APOBEC3H: variants seen among roughly 807,000 people sequenced by gnomAD.
The protein encoded by APOBEC3H is apolipoprotein B mRNA editing enzyme catalytic subunit 3H.
Under a neutral mutation model 21.2 loss-of-function variants are expected in APOBEC3H, and 8 were observed. The observed-to-expected ratio is 0.38, with a 90% CI of 0.22 to 0.68. The LOEUF (loss-of-function observed/expected upper bound fraction) is 0.68. APOBEC3H is among the 30% of genes least tolerant of loss of function. APOBEC3H has a pLI of 0.52. For synonymous variants in APOBEC3H, 88 were observed against 91.0 expected, an observed-to-expected ratio of 0.97 and a Z score of 0.19; for missense variants, 229 against 228.1, an observed-to-expected ratio of 1.00 and a Z score of -0.03.
chr22:39,102,627 C>A lies in APOBEC3H; in HGVS notation c.543+585C>A, dbSNP rs1391117428. 9.9e-6 allele frequency: 7 copies of A among 709,988 alleles called. No homozygotes were observed. In the South Asian group the frequency reaches 1.0e-4, roughly 11 times the overall value. 44.0% of individuals were successfully genotyped at this position (709,988 alleles called of 1,614,324 possible). A position where few individuals can be genotyped will look rare whatever the true frequency, so the allele number is the denominator to read the frequency against. ...ATAGGTAGTTTTTCAACCCTGGCCC[C>A]CCTCCCACCCTCTCTTCTTTTGGAG... On this transcript the variant is annotated intron_variant, in intron 4 of 4. Coordinates refer to ENST00000442487, the MANE Select transcript of APOBEC3H (RefSeq NM_181773.5).
intron 1 of APOBEC3H, among the ~76,000 whole-genome samples, chr22:39,098,306 G>A (rs139281): frequency 0.39 from 59,704 of 151,802 alleles, 11,974 homozygotes; most frequent in South Asian, 0.46. Context: ...GCGCAATCTC[G>A]GCTCACTACA....
In APOBEC3H at chr22:39,101,477, G is replaced by A; in HGVS notation, c.391G>A (p.Val131Ile). 1.2e-6 allele frequency: 2 copies of A among 1,609,440 alleles called. No individual in the cohort carries two copies. Among genetic ancestry groups the A allele is most frequent in the Non-Finnish European group, 1.7e-6 (2 of 1,179,052 alleles). Residue 131 changes from valine to isoleucine, a missense_variant, in exon 3 of 5, where the codon GTC (valine) becomes ATC (isoleucine). Physicochemically the swap from Val to Ile is conservative, Grantham distance 29. Transcript: ENST00000442487. ...KGLRLLCGSQ[V>I]PVEVMGFPEF... Reference sequence around the variant, plus strand: ...GCTGCGGCTTCTGTGTGGATCCCAGGTCCCGGTGGAGGTCATGGGCTTCCC... The same window carrying A: ...GCTGCGGCTTCTGTGTGGATCCCAGATCCCGGTGGAGGTCATGGGCTTCCC...
intron 1 of APOBEC3H, among the ~76,000 whole-genome samples, 177 bp from the exon 2 acceptor site, chr22:39,100,095 C>T (rs2146316630): frequency 6.6e-6 from 1 of 152,318 alleles, no homozygotes; most frequent in Middle Eastern, 3.4e-3. Flanking sequence ...ATCGCTTGAA[C>T]TTGGAAGGCG....
In APOBEC3H at chr22:39,101,419, G is replaced by A; in HGVS notation, c.333G>A (p.Leu111=). The A allele has an allele frequency of 6.2e-7, 1 of 1,612,052 alleles. No homozygotes were observed. Among genetic ancestry groups the A allele is most frequent in the Non-Finnish European group, 8.5e-7 (1 of 1,179,594 alleles). Residue 111 remains leucine, a synonymous_variant, in exon 3 of 5, where the codon CTG becomes CTA. Transcript: ENST00000442487. ...HLNLGIFASR[L]YYHWCKPQQK... ...ACCTGGGCATCTTCGCCTCCCGCCT[G>A]TACTACCACTGGTGCAAGCCCCAGC...
intron 1 of APOBEC3H, among the ~76,000 whole-genome samples, chr22:39,099,234 A>C (rs1929166577): frequency 6.6e-6 from 1 of 152,142 alleles, no homozygotes; most frequent in Non-Finnish European, 1.5e-5. Context: ...AAAAAGCAAA[A>C]TCCAAAATTG....
chr22:39,100,992 A>C (rs185349067), intron 2 of APOBEC3H, among the ~76,000 whole-genome samples: 1 of 152,102 alleles, frequency 6.6e-6, no homozygotes, highest in Non-Finnish European at 1.5e-5. Flanking sequence ...CAATTTACAG[A>C]AAGATGTGGA....
chr22:39,100,525 T>TTTCTCAATTTCTCAAA (rs1382582513), intron 2 of APOBEC3H, 97 bp downstream of exon 2: 1 of 1,480,916 alleles, frequency 6.8e-7, no homozygotes, highest in Non-Finnish European at 9.1e-7. Context: ...AATTTCTCAA[T>TTTCTCAATTTCTCAAA]TTTTGATGTA....
In APOBEC3H at chr22:39,103,800, A is replaced by G; in HGVS notation, c.*103A>G. ...AAGATGACTTTCCCTGGGGCATGTC[A>G]GTTGCCTCATAGCCTGCTGGTCCTG... On this transcript the variant is annotated 3_prime_UTR_variant, in exon 5 of 5. Transcript: ENST00000442487. 1.4e-6 allele frequency: 2 copies of G among 1,451,830 alleles called. No individual in the cohort carries two copies. Among genetic ancestry groups the G allele is most frequent in the Non-Finnish European group, 1.9e-6 (2 of 1,032,462 alleles). 89.9% of individuals were successfully genotyped at this position (1,451,830 alleles called of 1,614,324 possible).
intron 3 of APOBEC3H, among the ~76,000 whole-genome samples, 162 bp from the exon 4 acceptor site, chr22:39,101,756 G>A (rs1929366624): frequency 6.6e-6 from 1 of 151,016 alleles, no homozygotes; most frequent in Non-Finnish European, 1.5e-5. Context: ...GAAGGATTGT[G>A]GCTCAGTCAA....
At chr22:39,101,135 T>TC in intron 2 of APOBEC3H, 102 bp from the exon 3 acceptor site, 4 of 406,212 alleles carry the variant, frequency 9.8e-6, no homozygotes, top group East Asian at 5.3e-5. Context: ...CAGACCCCTC[T>TC]GCCCCCCCAT....
chr22:39,102,191 C>A, intron 4 of APOBEC3H, 149 bp downstream of exon 4: 1 of 1,230,050 alleles, frequency 8.1e-7, no homozygotes, highest in Non-Finnish European at 1.1e-6. Flanking sequence ...CTCTGTCACC[C>A]AGGCAGGAGG....
At chr22:39,102,119 C>T in intron 4 of APOBEC3H, 77 bp downstream of exon 4, 7 of 1,556,380 alleles carry the variant, frequency 4.5e-6, no homozygotes, top group Non-Finnish European at 6.1e-6. Context: ...CACCTCTGCC[C>T]ACTGCCCTTA....
chr22:39,100,178 AC>A, intron 1 of APOBEC3H, 93 bp from the exon 2 acceptor site: 1 of 1,412,318 alleles, frequency 7.1e-7, no homozygotes, highest in East Asian at 2.3e-5. Context: ...GTCTCAAAAA[AC>A]AAAAAAGAGT....
chr22:39,103,843 C>T lies in APOBEC3H; in HGVS notation c.*146C>T. The T allele has an allele frequency of 1.9e-6, 2 of 1,026,248 alleles. No homozygotes were observed. Among genetic ancestry groups the T allele is most frequent in the South Asian group, 2.6e-5 (2 of 77,734 alleles). The allele number at this position is 1,026,248 out of a possible 1,614,324, so 63.6% of individuals were successfully genotyped here. ...TGGTCCTGTAAGCAAGCACTAAGCT[C>T]CACAGTGCCAGTTCCTTGCCCCAAC... On this transcript the variant is annotated 3_prime_UTR_variant, in exon 5 of 5. Coordinates refer to ENST00000442487, the MANE Select transcript of APOBEC3H (RefSeq NM_181773.5).
Position 39,101,386 on chromosome 22 carries a change from C to A in APOBEC3H, c.300C>A (p.Asp100Glu), listed in dbSNP as rs759701204. 2 of 1,612,700 alleles carry A rather than the reference C, an allele frequency of 1.2e-6. No homozygotes were observed. The highest frequency in any genetic ancestry group is 1.7e-6 in the Non-Finnish European group (2 of 1,179,658). ...WELVDFIKAH[D>E]HLNLGIFASR... ...TGGTTGACTTCATCAAGGCTCACGA[C>A]CATCTGAACCTGGGCATCTTCGCCT... Residue 100 changes from aspartate to glutamate, a missense_variant, in exon 3 of 5, where the codon GAC (aspartate) becomes GAA (glutamate). Physicochemically the swap from Asp to Glu is conservative, Grantham distance 45. Coordinates refer to ENST00000442487, the MANE Select transcript of APOBEC3H (RefSeq NM_181773.5).
At position 39,102,022 on chromosome 22, in the gene APOBEC3H, C is replaced by T. The variant is rs535832435; in HGVS notation, c.523C>T (p.Arg175Ter). ...ELDKNSRAIKRRLERIKQS is the reference protein window; with the variant it reads ...ELDKNSRAIK The stretch of plus-strand genomic sequence containing the variant: ...AGATAAAAACAGTCGAGCCATAAAG[C>T]GACGGCTTGAGAGGATAAAGGTGAG... The change falls in exon 4 of 5, where the codon CGA becomes TGA. Residue 175 changes from arginine (R) to a stop codon, truncating the protein, a stop_gained. Coordinates refer to ENST00000442487, the MANE Select transcript of APOBEC3H (RefSeq NM_181773.5). LOFTEE classifies it low-confidence loss of function (END_TRUNC). 15 of 1,613,716 alleles carry T rather than the reference C, an allele frequency of 9.3e-6. No individual in the cohort carries two copies. The highest frequency in any genetic ancestry group is 1.7e-5 in the Admixed American group (1 of 59,966).
intron 4 of APOBEC3H, among the ~76,000 whole-genome samples, chr22:39,102,917 CA>C (rs1268907422): frequency 8.0e-5 from 11 of 138,076 alleles, no homozygotes; most frequent in African/African-American, 2.9e-4. Flanking sequence ...GAGCCGAGAT[CA>C]TGCCACTGCA....
chr22:39,102,525 G>A lies in APOBEC3H; in HGVS notation c.543+483G>A, dbSNP rs1030120863. 37 of 718,116 alleles carry A rather than the reference G, an allele frequency of 5.2e-5. No individual in the cohort carries two copies. The African/African-American group carries it at 5.2e-4, about 10-fold the overall frequency. 44.5% of individuals were successfully genotyped at this position (718,116 alleles called of 1,614,324 possible). On this transcript the variant is annotated intron_variant, in intron 4 of 4. Transcript: ENST00000442487. ...TTGTTCTTTTAGATTCCAGGGGTAC[G>A]TGCGCAGGGTCGTTACATGGATATA...
At chr22:39,102,558 A>G (rs1478305219) in intron 4 of APOBEC3H, 17 of 718,224 alleles carry the variant, frequency 2.4e-5, no homozygotes, top group Non-Finnish European at 4.2e-5. Flanking sequence ...ATATTGTGTG[A>G]TGCTGAGGTC....
Sources: allele counts gnomAD v4.1 joint callset (sites outside exome capture counted in the v4.1 genomes callset), GRCh38; gene constraint gnomAD v4.1.1; transcripts MANE v1.5; gene names NCBI Gene and HGNC (gene_info 2026-07-23, HGNC 2026-07-21).